ASPG: variants seen among roughly 807,000 people sequenced by gnomAD.
The protein encoded by ASPG is 60 kDa lysophospholipase.
ASPG carries 53 observed loss-of-function variants against 63.2 expected under a neutral mutation model. The observed-to-expected ratio is 0.84, with a 90% confidence interval of 0.67 to 1.05. The LOEUF (loss-of-function observed/expected upper bound fraction) is 1.05, where lower values mean the gene tolerates loss of function less well. Among genes scored for constraint, ASPG ranks in the 50% least tolerant of loss-of-function variants. ASPG has a pLI of 0.00. For missense variants in ASPG, 741 were observed against 794.4 expected (o/e 0.93, Z 0.81); for synonymous variants, 370 against 355.0 (o/e 1.04, Z -0.48).
intron 6 of ASPG, among the ~76,000 whole-genome samples, chr14:104,100,825 C>T (rs957670990): frequency 3.9e-5 from 6 of 152,222 alleles, no homozygotes; most frequent in African/African-American, 1.4e-4. Flanking sequence ...GCACTCGGCC[C>T]CTCCAGCCCA....
At chr14:104,097,185 C>T (rs1243601564) in intron 4 of ASPG, among the ~76,000 whole-genome samples, 3 of 152,206 alleles carry the variant, frequency 2.0e-5, no homozygotes, top group Non-Finnish European at 4.4e-5. Flanking sequence ...GCTGCCAGCA[C>T]TGGGCTCTTG....
Position 104,100,675 on chromosome 14 carries a change from C to T in ASPG, c.640+1696C>T, listed in dbSNP as rs530079586. On this transcript the variant is annotated intron_variant, in intron 6 of 15. Coordinates refer to ENST00000551177, the MANE Select transcript of ASPG (RefSeq NM_001080464.3). Reference sequence around the variant, plus strand: ...CACATCAGTGTGTCTACTGTGTGTGCAGCACACCGGGTCTCAGGGGCTTGG... The same window carrying T: ...CACATCAGTGTGTCTACTGTGTGTGTAGCACACCGGGTCTCAGGGGCTTGG... Among the ~76,000 whole-genome samples the T allele has an allele frequency of 1.2e-4, 18 of 152,294 alleles. No homozygotes were observed. In the South Asian group the frequency reaches 3.7e-3, roughly 32 times the overall value.
intron 1 of ASPG, among the ~76,000 whole-genome samples, chr14:104,090,587 G>T (rs933552031): frequency 6.6e-6 from 1 of 152,234 alleles, no homozygotes; most frequent in Non-Finnish European, 1.5e-5. Context: ...CCAGTGTCTG[G>T]TGGCTGCTGC....
At position 104,110,111 on chromosome 14, in the gene ASPG, G is replaced by A. The variant is rs34362765; in HGVS notation, c.1520+796G>A. ...GGCTGCCCGAGGCCAGGACGACTCC[G>A]AGGGACCCAAAAAGGAGAGTCGGAG... On this transcript the variant is annotated intron_variant, in intron 13 of 15. Transcript: ENST00000551177. The surrounding 1 kb of genome is among the most constrained non-coding windows in gnomAD (Gnocchi z 4.7). The A allele has an allele frequency of 0.6, 588,161 of 985,042 alleles. 180,315 individuals are homozygous for A. Among genetic ancestry groups the A allele is most frequent in the Non-Finnish European group, 0.63 (518,696 of 829,820 alleles). 61.0% of individuals were successfully genotyped at this position (985,042 alleles called of 1,614,324 possible). A position where few individuals can be genotyped will look rare whatever the true frequency, so the allele number is the denominator to read the frequency against.
At chr14:104,086,757 C>T (rs2036231752) in intron 1 of ASPG, among the ~76,000 whole-genome samples, 2 of 152,194 alleles carry the variant, frequency 1.3e-5, no homozygotes, top group East Asian at 1.9e-4. Context: ...CACTGCCTGC[C>T]TTTCCCTCAG....
chr14:104,107,075 C>T, intron 11 of ASPG, 107 bp from the exon 12 acceptor site: 1 of 1,420,148 alleles, frequency 7.0e-7, no homozygotes, highest in Non-Finnish European at 9.5e-7. Context: ...AGGGTGGGCG[C>T]AGGGGCTGTG....
chr14:104,089,831 C>A (rs1176770772), intron 1 of ASPG, among the ~76,000 whole-genome samples: 2 of 151,350 alleles, frequency 1.3e-5, no homozygotes, highest in Non-Finnish European at 2.9e-5. Context: ...GCCTGTAATC[C>A]CGGCTACTCG....
chr14:104,104,045 A>T (rs1308966829), intron 7 of ASPG, among the ~76,000 whole-genome samples: 1 of 152,154 alleles, frequency 6.6e-6, no homozygotes, highest in Non-Finnish European at 1.5e-5. Context: ...ACCTCTCTGA[A>T]GTGTTTCCAC....
intron 11 of ASPG, 86 bp downstream of exon 11, chr14:104,106,980 C>T (rs1474851159): frequency 7.9e-6 from 11 of 1,393,262 alleles, no homozygotes; most frequent in South Asian, 3.9e-5. Flanking sequence ...GCCTTTCATC[C>T]ACCCACTGAC....
At position 104,103,628 on chromosome 14, in the gene ASPG, C is replaced by T. The variant is rs951804332; in HGVS notation, c.706C>T (p.Gln236Ter). 3 of 1,548,006 alleles carry T rather than the reference C, an allele frequency of 1.9e-6. No homozygotes were observed. The highest frequency in any genetic ancestry group is 2.6e-6 in the Non-Finnish European group (3 of 1,146,768). ...AGLVVHSSME[Q>*]DVGLLRLYPG... ...GCTGGTGGTGCACAGCAGCATGGAGCAGGACGTGGGCCTGCTGCGCCTCTA... is the reference window on the plus strand; with the variant it reads ...GCTGGTGGTGCACAGCAGCATGGAGTAGGACGTGGGCCTGCTGCGCCTCTA... The change falls in exon 7 of 16, where the codon CAG becomes TAG. Residue 236 changes from glutamine to a stop codon, truncating the protein, a stop_gained. Coordinates refer to ENST00000551177, the MANE Select transcript of ASPG (RefSeq NM_001080464.3). LOFTEE classifies it high-confidence loss of function.
rs573408320 is a variant in ASPG at position 104,110,278 on chromosome 14, G to C, written c.1520+963G>C. 1.1e-4 allele frequency: 112 copies of C among 985,230 alleles called. No individual in the cohort carries two copies. The African/African-American group carries it at 1.8e-3, about 16-fold the overall frequency. 61.0% of individuals were successfully genotyped at this position (985,230 alleles called of 1,614,324 possible). On this transcript the variant is annotated intron_variant, in intron 13 of 15. Transcript: ENST00000551177. The surrounding 1 kb of genome is among the most constrained non-coding windows in gnomAD (Gnocchi z 4.7). ...TCGGCTCACTGGCTGGGAGGGGGTG[G>C]GTGCAGGCGCCTGCCCAGCAGGAGG... is the stretch of plus-strand genomic sequence containing the variant.
At chr14:104,103,725 T>C (rs1195513779) in intron 7 of ASPG, 50 bp downstream of exon 7, 1 of 1,487,234 alleles carries the variant, frequency 6.7e-7, no homozygotes. Context: ...GCCCCAGCCC[T>C]CTGCAGCTCC....
chr14:104,106,733 G>A, intron 10 of ASPG, 66 bp from the exon 11 acceptor site: 1 of 1,405,740 alleles, frequency 7.1e-7, no homozygotes, highest in Non-Finnish European at 9.8e-7. Flanking sequence ...ACAGCACCGG[G>A]GACTGCCAGT....
At chr14:104,100,462 G>A (rs886912570) in intron 6 of ASPG, among the ~76,000 whole-genome samples, 1 of 152,202 alleles carries the variant, frequency 6.6e-6, no homozygotes, top group Non-Finnish European at 1.5e-5. Context: ...GGTTCTACAG[G>A]TGAGAAACGG....
Position 104,111,615 on chromosome 14 carries a change from C to T in ASPG, c.1620+14C>T. Reference sequence around the variant, plus strand: ...GCCCTGCACGTCGTGAGTGCCCCCACCCCCTGCACCCTCTCCAAAGGCTGC... The same window carrying T: ...GCCCTGCACGTCGTGAGTGCCCCCATCCCCTGCACCCTCTCCAAAGGCTGC... On this transcript the variant is annotated intron_variant, in intron 14 of 15. Transcript: ENST00000551177. The T allele has an allele frequency of 1.3e-6, 2 of 1,546,330 alleles. No homozygotes were observed. The highest frequency in any genetic ancestry group is 8.7e-7 in the Non-Finnish European group (1 of 1,144,264).
At chr14:104,087,890 A>G (rs150819050) in intron 1 of ASPG, among the ~76,000 whole-genome samples, 3 of 152,312 alleles carry the variant, frequency 2.0e-5, no homozygotes, top group East Asian at 1.9e-4. Flanking sequence ...GTGGGAAACA[A>G]GAGACTTGGA....
Position 104,112,621 on chromosome 14 carries a change from C to A in ASPG, c.*77C>A. 2 of 1,572,314 alleles carry A rather than the reference C, an allele frequency of 1.3e-6. No homozygotes were observed. Among genetic ancestry groups the A allele is most frequent in the Non-Finnish European group, 1.7e-6 (2 of 1,163,832 alleles). ...TGGAGGGGTCTCAGGCATGACCCCA[C>A]TGCTGGGGCTGCTTCCCAGCCTGCT... On this transcript the variant is annotated 3_prime_UTR_variant, in exon 16 of 16. Coordinates refer to ENST00000551177, the MANE Select transcript of ASPG (RefSeq NM_001080464.3).
intron 2 of ASPG, 191 bp downstream of exon 2, chr14:104,092,932 C>A: frequency 1.7e-6 from 1 of 589,036 alleles, no homozygotes; most frequent in Non-Finnish European, 3.0e-6. Flanking sequence ...CTGAGGGTGC[C>A]CCGTGCCTGG....
chr14:104,111,701 G>C (rs1238712471), intron 14 of ASPG, 100 bp downstream of exon 14: 27 of 1,014,204 alleles, frequency 2.7e-5, no homozygotes, highest in Non-Finnish European at 4.0e-5. Flanking sequence ...TCCCCGCTCT[G>C]CCCCTCCCCC....
Sources: allele counts gnomAD v4.1 joint callset (sites outside exome capture counted in the v4.1 genomes callset), GRCh38; gene constraint gnomAD v4.1.1; non-coding constraint Gnocchi (gnomAD v3.1); transcripts MANE v1.5; gene names NCBI Gene and HGNC (gene_info 2026-07-23, HGNC 2026-07-21).